IKBIP: variants seen among roughly 807,000 people sequenced by gnomAD.
The protein encoded by IKBIP is inhibitor of nuclear factor kappa-B kinase-interacting protein.
IKBIP carries 28 observed loss-of-function variants against 31.0 expected under a neutral mutation model. That is an observed-to-expected ratio of 0.90 (90% CI 0.67 to 1.24). The LOEUF (loss-of-function observed/expected upper bound fraction) is 1.24, where lower values mean the gene tolerates loss of function less well. Among genes scored for constraint, IKBIP ranks in the 50% most tolerant of loss-of-function variants. The pLI is 0.00. For synonymous variants in IKBIP, 164 were observed against 160.3 expected, an observed-to-expected ratio of 1.02 and a Z score of -0.17; for missense variants, 453 against 441.9, an observed-to-expected ratio of 1.03 and a Z score of -0.23.
chr12:98,639,906 C>T (rs1317494741), intron 1 of IKBIP, among the ~76,000 whole-genome samples: 1 of 152,150 alleles, frequency 6.6e-6, no homozygotes, highest in East Asian at 1.9e-4. Flanking sequence ...TCAAGAAAAC[C>T]TTGACCATAT....
downstream of IKBIP, among the ~76,000 whole-genome samples, chr12:98,620,738 G>A (rs952936706): frequency 9.2e-5 from 14 of 152,142 alleles, no homozygotes; most frequent in South Asian, 4.1e-4. Flanking sequence ...TAGATCAGGC[G>A]CAGTGGCTCA....
intron 1 of IKBIP, among the ~76,000 whole-genome samples, chr12:98,636,287 C>T (rs917960870): frequency 4.6e-5 from 7 of 152,196 alleles, no homozygotes; most frequent in Non-Finnish European, 8.8e-5. Flanking sequence ...TGGGATGTGG[C>T]TTGGATGTTG....
chr12:98,622,388 G>A (rs988280834), downstream of IKBIP, among the ~76,000 whole-genome samples: 2 of 152,072 alleles, frequency 1.3e-5, no homozygotes, highest in Admixed American at 1.3e-4. Flanking sequence ...TTGGCATGGC[G>A]GTGTGCACCT....
At chr12:98,628,666 C>A (rs1490245596) in intron 2 of IKBIP, among the ~76,000 whole-genome samples, 1 of 152,166 alleles carries the variant, frequency 6.6e-6, no homozygotes, top group Non-Finnish European at 1.5e-5. Flanking sequence ...CACTCTGTGC[C>A]AGCCTTGTGT....
chr12:98,624,673 AT>A lies in IKBIP; in HGVS notation c.*1256del. 1.1e-6 allele frequency: 1 copy of A among 884,404 alleles called. No homozygotes were observed. Among genetic ancestry groups the A allele is most frequent in the Non-Finnish European group, 1.4e-6 (1 of 737,954 alleles). The allele number at this position is 884,404 out of a possible 1,614,324, so 54.8% of individuals were successfully genotyped here. A position where few individuals can be genotyped will look rare whatever the true frequency, so the allele number is the denominator to read the frequency against. Reference sequence around the variant, plus strand: ...ATTTCAAATAAAATAAAATCAATTCATAAAACAAATTTAGTGGTGTGGTTTG... The same window carrying A: ...ATTTCAAATAAAATAAAATCAATTCAAAAACAAATTTAGTGGTGTGGTTTG... On this transcript the variant is annotated 3_prime_UTR_variant, in exon 3 of 3. Coordinates refer to ENST00000299157, the MANE Select transcript of IKBIP (RefSeq NM_153687.4).
intron 1 of IKBIP, among the ~76,000 whole-genome samples, chr12:98,644,053 G>C (rs993316230): frequency 2.6e-5 from 4 of 152,148 alleles, no homozygotes; most frequent in African/African-American, 9.7e-5. Context: ...CTGACCTCAA[G>C]TGATCCACCT....
exon 3 of IKBIP, chr12:98,613,617 C>T: frequency 6.5e-7 from 1 of 1,532,916 alleles, no homozygotes; most frequent in Non-Finnish European, 8.9e-7. Flanking sequence ...GCTATTTCAT[C>T]TTTAATATCC....
chr12:98,619,199 A>C (rs553628153), intron 2 of IKBIP, among the ~76,000 whole-genome samples: 1 of 152,362 alleles, frequency 6.6e-6, no homozygotes, highest in South Asian at 2.1e-4. Flanking sequence ...TTTTATTTTT[A>C]AGGAGGAAGT....
chr12:98,629,805 C>T (rs555737131), intron 2 of IKBIP, among the ~76,000 whole-genome samples: 2 of 152,248 alleles, frequency 1.3e-5, no homozygotes, highest in East Asian at 3.9e-4. Flanking sequence ...TCACTATAAT[C>T]TGAAAGCAGT....
chr12:98,637,616 C>T (rs969184082), intron 1 of IKBIP, among the ~76,000 whole-genome samples: 1 of 152,140 alleles, frequency 6.6e-6, no homozygotes, highest in Non-Finnish European at 1.5e-5. Flanking sequence ...ACCATGTTGG[C>T]CAGAATGGTC....
At position 98,624,856 on chromosome 12, in the gene IKBIP, G is replaced by C; in HGVS notation, c.*1074C>G. On this transcript the variant is annotated 3_prime_UTR_variant, in exon 3 of 3. Coordinates refer to ENST00000299157, the MANE Select transcript of IKBIP (RefSeq NM_153687.4). ...GTCTCACTTTGCCACTCAGGCTGGA[G>C]TGCAGTGGCGCGATCTCGGCTCACT... The C allele has an allele frequency of 1.8e-6, 1 of 557,178 alleles. No individual in the cohort carries two copies. Among genetic ancestry groups the C allele is most frequent in the African/African-American group, 2.0e-5 (1 of 48,974 alleles). 34.5% of individuals were successfully genotyped at this position (557,178 alleles called of 1,614,324 possible). A position where few individuals can be genotyped will look rare whatever the true frequency, so the allele number is the denominator to read the frequency against.
At chr12:98,617,256 T>A (rs962903593) in intron 2 of IKBIP, among the ~76,000 whole-genome samples, 2 of 152,214 alleles carry the variant, frequency 1.3e-5, no homozygotes, top group Admixed American at 1.3e-4. Flanking sequence ...AAATTCTGAT[T>A]CCAAATGCAG....
chr12:98,634,534 GT>G (rs370227098), intron 1 of IKBIP, 121 bp from the exon 2 acceptor site: 59,004 of 378,230 alleles, frequency 0.16, 1 homozygote, highest in South Asian at 0.21. Flanking sequence ...GTAGCTGTAG[GT>G]TTTTTTTTTT....
chr12:98,643,016 G>C (rs1200531420), intron 1 of IKBIP, among the ~76,000 whole-genome samples: 1 of 151,648 alleles, frequency 6.6e-6, no homozygotes. Flanking sequence ...GCAATGGCAC[G>C]ATCCCAGCTC....
intron 2 of IKBIP, among the ~76,000 whole-genome samples, chr12:98,616,629 T>G (rs1298365652): frequency 6.6e-6 from 1 of 152,256 alleles, no homozygotes. Context: ...GTGTTACATT[T>G]AAGTCTTTAA....
chr12:98,643,817 C>CTTTTTTTTTTTTTTTCCTTTTTT (rs1555212507), intron 1 of IKBIP, among the ~76,000 whole-genome samples: 1 of 136,932 alleles, frequency 7.3e-6, no homozygotes, highest in African/African-American at 2.7e-5. Context: ...ATATGGTTTT[C>CTTTTTTTTTTTTTTTCCTTTTTT]TTTTTTTTTT....
Position 98,626,779 on chromosome 12 carries a change from C to A in IKBIP, c.298-13G>T. On this transcript the variant is annotated splice_polypyrimidine_tract_variant and intron_variant, in intron 2 of 2. Coordinates refer to ENST00000299157, the MANE Select transcript of IKBIP (RefSeq NM_153687.4). ...CAGTAGACTCAAGCTGCATTTATAACACAAAACAATTCCCAAGGCTACTTA... is the reference window on the plus strand; with the variant it reads ...CAGTAGACTCAAGCTGCATTTATAAAACAAAACAATTCCCAAGGCTACTTA... 2 of 1,567,810 alleles carry A rather than the reference C, an allele frequency of 1.3e-6. No homozygotes were observed. Among genetic ancestry groups the A allele is most frequent in the Non-Finnish European group, 8.6e-7 (1 of 1,156,326 alleles).
intron 2 of IKBIP, among the ~76,000 whole-genome samples, chr12:98,615,171 T>G (rs982854868): frequency 6.6e-6 from 1 of 152,178 alleles, no homozygotes; most frequent in Non-Finnish European, 1.5e-5. Context: ...AATGAACATA[T>G]CTATCACCTC....
At position 98,626,565 on chromosome 12, in the gene IKBIP, T is replaced by C; in HGVS notation, c.499A>G (p.Asn167Asp). 6.2e-7 allele frequency: 1 copy of C among 1,613,408 alleles called. No individual in the cohort carries two copies. The highest frequency in any genetic ancestry group is 8.5e-7 in the Non-Finnish European group (1 of 1,179,804). The change falls in exon 3 of 3, where the codon AAC (asparagine) becomes GAC (aspartate). Residue 167 changes from asparagine to aspartate, a missense_variant. Asn to Asp is a conservative substitution (Grantham distance 23). Coordinates refer to ENST00000299157, the MANE Select transcript of IKBIP (RefSeq NM_153687.4). ...GATTTGAAAATGTCTGTATTAATGT[T>C]CATTTCTTCTAGGCTTCTCTTCCAG... is the stretch of plus-strand genomic sequence containing the variant. ...DFWKRSLEEM[N>D]INTDIFKSEA...
Sources: allele counts gnomAD v4.1 joint callset (sites outside exome capture counted in the v4.1 genomes callset), GRCh38; gene constraint gnomAD v4.1.1; transcripts MANE v1.5; gene names NCBI Gene and HGNC (gene_info 2026-07-23, HGNC 2026-07-21).